CSGALNACT1: variants seen among roughly 807,000 people sequenced by gnomAD.
CSGALNACT1 encodes beta4GalNAcT-1.
CSGALNACT1 carries 52 observed loss-of-function variants against 51.0 expected under a neutral mutation model. The observed-to-expected ratio is 1.02, with a 90% confidence interval of 0.82 to 1.29. CSGALNACT1 has a LOEUF of 1.29. Among genes scored for constraint, CSGALNACT1 ranks in the 50% most tolerant of loss-of-function variants. The pLI is 0.00. For missense variants in CSGALNACT1, 935 were observed against 679.2 expected (o/e 1.38, Z -4.19); for synonymous variants, 341 against 254.4 (o/e 1.34, Z -3.24).
intron 3 of CSGALNACT1, among the ~76,000 whole-genome samples, chr8:19,542,265 T>G (rs1398634873): frequency 6.7e-6 from 1 of 149,256 alleles, no homozygotes; most frequent in Non-Finnish European, 1.5e-5. Context: ...AGCCTGTTAG[T>G]TAAGCTCAAA....
chr8:19,418,863 C>A (rs139531170), intron 7 of CSGALNACT1, 113 bp from the exon 7 acceptor site: 5 of 742,804 alleles, frequency 6.7e-6, no homozygotes, highest in African/African-American at 3.5e-5. Flanking sequence ...CTTTTTTTTT[C>A]TTTGAGAGGC....
chr8:19,655,523 C>G (rs552902383), intron 1 of CSGALNACT1, among the ~76,000 whole-genome samples: 11 of 105,934 alleles, frequency 1.0e-4, no homozygotes, highest in African/African-American at 3.6e-4. Context: ...CCATTCCCCA[C>G]TAATTTTTAC....
At chr8:19,686,410 G>A (rs17481235), upstream of CSGALNACT1, among the ~76,000 whole-genome samples, 43,160 of 152,064 alleles carry the variant, frequency 0.28, 6,249 homozygotes, top group Admixed American at 0.34. Context: ...AGCTACAGGA[G>A]TCTTGCTGCC....
chr8:19,650,809 A>T (rs1046077020), intron 1 of CSGALNACT1, among the ~76,000 whole-genome samples: 1 of 152,210 alleles, frequency 6.6e-6, no homozygotes, highest in African/African-American at 2.4e-5. Context: ...CCAGGAAGTG[A>T]GTCTTGGCTT....
intron 1 of CSGALNACT1, among the ~76,000 whole-genome samples, chr8:19,751,746 T>C (rs2154253790): frequency 6.6e-6 from 1 of 152,218 alleles, no homozygotes; most frequent in South Asian, 2.1e-4. Flanking sequence ...GATCTGGTTG[T>C]TTGCAAGTGT....
At chr8:19,527,121 G>C (rs1251110614) in intron 3 of CSGALNACT1, among the ~76,000 whole-genome samples, 1 of 152,194 alleles carries the variant, frequency 6.6e-6, no homozygotes, top group Non-Finnish European at 1.5e-5. Context: ...GGAGTTTGAA[G>C]TACACTGGCA....
intron 3 of CSGALNACT1, among the ~76,000 whole-genome samples, chr8:19,507,410 C>T (rs147500448): frequency 6.6e-5 from 10 of 151,732 alleles, no homozygotes; most frequent in African/African-American, 2.4e-4. Flanking sequence ...CTCCATTTCC[C>T]CCTGGGGTCA....
At chr8:19,442,711 A>G (rs2061518025) in intron 5 of CSGALNACT1, among the ~76,000 whole-genome samples, 1 of 96,416 alleles carries the variant, frequency 1.0e-5, no homozygotes, top group South Asian at 3.9e-4. Context: ...CTAAAACTTA[A>G]AGTATAAAAA....
At chr8:19,515,965 C>T (rs2079443621) in intron 3 of CSGALNACT1, among the ~76,000 whole-genome samples, 1 of 152,116 alleles carries the variant, frequency 6.6e-6, no homozygotes, top group Non-Finnish European at 1.5e-5. Flanking sequence ...GACGCTTCTT[C>T]CAGCTGTAAG....
intron 1 of CSGALNACT1, among the ~76,000 whole-genome samples, chr8:19,651,305 T>C (rs1238248578): frequency 1.3e-5 from 2 of 152,192 alleles, no homozygotes; most frequent in Non-Finnish European, 2.9e-5. Flanking sequence ...TACATGTACA[T>C]GTCTCTTACA....
At chr8:19,498,847 C>T (rs2153980942) in intron 4 of CSGALNACT1, among the ~76,000 whole-genome samples, 1 of 152,334 alleles carries the variant, frequency 6.6e-6, no homozygotes, top group East Asian at 1.9e-4. Flanking sequence ...GATGCAGTGG[C>T]TTATGCCTGT....
chr8:19,671,805 G>A (rs1327567755), intron 1 of CSGALNACT1, among the ~76,000 whole-genome samples: 1 of 152,122 alleles, frequency 6.6e-6, no homozygotes, highest in African/African-American at 2.4e-5. Context: ...TTACCAAATT[G>A]AGATCCTACT....
At chr8:19,736,059 T>A (rs1450309482) in intron 1 of CSGALNACT1, among the ~76,000 whole-genome samples, 9 of 152,122 alleles carry the variant, frequency 5.9e-5, no homozygotes, top group African/African-American at 2.2e-4. Context: ...GGCAAAAAAA[T>A]GCTTCAAAAC....
At chr8:19,442,914 A>G (rs901086145) in intron 5 of CSGALNACT1, among the ~76,000 whole-genome samples, 7 of 152,120 alleles carry the variant, frequency 4.6e-5, no homozygotes, top group African/African-American at 1.4e-4. Flanking sequence ...TGTTATGACT[A>G]TCTGAGGAAA....
At chr8:19,544,542 G>A (rs541254619) in intron 3 of CSGALNACT1, among the ~76,000 whole-genome samples, 2 of 152,040 alleles carry the variant, frequency 1.3e-5, no homozygotes, top group African/African-American at 4.8e-5. Context: ...AGATAACTCC[G>A]AACAGATATC....
At chr8:19,551,576 C>A (rs756883849) in intron 3 of CSGALNACT1, among the ~76,000 whole-genome samples, 1 of 152,182 alleles carries the variant, frequency 6.6e-6, no homozygotes, top group Non-Finnish European at 1.5e-5. Context: ...CTTCCTATTG[C>A]GTGCAAGCAA....
At chr8:19,712,773 G>A (rs952878526) in intron 1 of CSGALNACT1, among the ~76,000 whole-genome samples, 4 of 152,192 alleles carry the variant, frequency 2.6e-5, no homozygotes, top group East Asian at 1.9e-4. Context: ...AGACAGATGA[G>A]CATCTCACTG....
intron 3 of CSGALNACT1, among the ~76,000 whole-genome samples, chr8:19,510,767 G>A (rs1043470744): frequency 6.6e-5 from 10 of 152,310 alleles, no homozygotes; most frequent in African/African-American, 2.2e-4. Flanking sequence ...TAAATGTTAT[G>A]TGTCATCAAT....
chr8:19,622,822 A>G (rs942501931), intron 1 of CSGALNACT1, among the ~76,000 whole-genome samples: 3 of 152,202 alleles, frequency 2.0e-5, no homozygotes, highest in Admixed American at 6.5e-5. Context: ...GAAACAAGAA[A>G]TGGGTGAGAA....
Sources: gnomAD v4.1 joint callset for allele counts (sites outside exome capture counted in the v4.1 genomes callset) on GRCh38, gnomAD v4.1.1 for gene constraint, MANE v1.5 for transcripts, NCBI Gene and HGNC (gene_info 2026-07-23, HGNC 2026-07-21) for gene names.